The following MRPS14 variants were observed in gnomAD, a reference collection of about 807,000 sequenced individuals.
MRPS14 encodes the protein mitochondrial ribosomal protein S14, also known as small ribosomal subunit protein uS14m.
In MRPS14, 14 loss-of-function variants were observed where a neutral mutation model predicts 16.4. The observed-to-expected ratio is 0.85, with a 90% CI of 0.56 to 1.33. The LOEUF is 1.33. MRPS14 is among the 40% of genes most tolerant of loss of function. MRPS14 has a pLI of 0.00. For missense variants in MRPS14, 162 were observed against 176.8 expected (o/e 0.92, Z 0.48); for synonymous variants, 54 against 61.9 (o/e 0.87, Z 0.60).
At position 175,014,019 on chromosome 1, in the gene MRPS14, A is replaced by G. The variant is rs1408050233; in HGVS notation, c.*650T>C. 1 of 152,358 alleles carries G rather than the reference A, an allele frequency of 6.6e-6. No homozygotes were observed. Among genetic ancestry groups the G allele is most frequent in the African/African-American group, 2.4e-5 (1 of 41,472 alleles). 9.4% of individuals were successfully genotyped at this position (152,358 alleles called of 1,614,324 possible). ...CTGTTATGGATTAAATAAACATAAA[A>G]ATAGGGAATATATACTGTTCCAACA... On this transcript the variant is annotated 3_prime_UTR_variant, in exon 3 of 3. Transcript: ENST00000476371.
intron 2 of MRPS14, among the ~76,000 whole-genome samples, chr1:175,016,788 TTG>T (rs78584560): frequency 0.11 from 16,340 of 152,252 alleles, 1,046 homozygotes; most frequent in East Asian, 0.32. Context: ...AAATTACCGT[TTG>T]TGTATGTGTG....
At chr1:175,014,925 G>A in intron 2 of MRPS14, 74 bp from the exon 3 acceptor site, 1 of 1,239,004 alleles carries the variant, frequency 8.1e-7, no homozygotes, top group South Asian at 1.4e-5. Context: ...TCACTTGCAG[G>A]TAATTTTCTT....
intron 1 of MRPS14, among the ~76,000 whole-genome samples, chr1:175,020,478 C>G (rs1374781843): frequency 1.3e-5 from 2 of 152,048 alleles, no homozygotes; most frequent in African/African-American, 4.8e-5. Context: ...TTTTGCATAC[C>G]TTTTTTTCTT....
intron 2 of MRPS14, 87 bp from the exon 3 acceptor site, chr1:175,014,938 CTTT>C (rs1171275241): frequency 1.5e-3 from 936 of 623,088 alleles, no homozygotes; most frequent in South Asian, 2.7e-3. Context: ...ATTTTCTTTT[CTTT>C]TTTTTTTTTT....
Position 175,014,441 on chromosome 1 carries a change from C to T in MRPS14, c.*228G>A. The T allele has an allele frequency of 2.2e-6, 1 of 451,644 alleles. No homozygotes were observed. The highest frequency in any genetic ancestry group is 3.9e-6 in the Non-Finnish European group (1 of 258,156). The allele number at this position is 451,644 out of a possible 1,614,324, so 28.0% of individuals were successfully genotyped here. The stretch of plus-strand genomic sequence containing the variant: ...AATATTTATTATGCTACTCTTTGTA[C>T]TATGTATGGGAACAGTATGTTTGTT... On this transcript the variant is annotated 3_prime_UTR_variant, in exon 3 of 3. Transcript: ENST00000476371.
intron 1 of MRPS14, 179 bp downstream of exon 1, chr1:175,023,185 C>T: frequency 6.8e-7 from 1 of 1,471,610 alleles, no homozygotes; most frequent in African/African-American, 1.4e-5. Context: ...TTACGAAAAC[C>T]AAATTGACAT....
intron 1 of MRPS14, 54 bp downstream of exon 1, chr1:175,023,310 G>C: frequency 6.2e-7 from 1 of 1,602,136 alleles, no homozygotes; most frequent in Non-Finnish European, 8.5e-7. Context: ...GGACCCGTGG[G>C]TTATGAGATT....
In MRPS14 at chr1:175,014,286, T is replaced by G. The variant is rs1255097059; in HGVS notation, c.*383A>C. On this transcript the variant is annotated 3_prime_UTR_variant, in exon 3 of 3. Coordinates refer to ENST00000476371, the MANE Select transcript of MRPS14 (RefSeq NM_022100.3). ...GTCCAGGATTACAAACTGCCATACA[T>G]GAGCTACATGTCAATTAGTTGGATT... is the stretch of plus-strand genomic sequence containing the variant. 1.2e-5 allele frequency: 4 copies of G among 325,538 alleles called. No individual in the cohort carries two copies. Among genetic ancestry groups the G allele is most frequent in the East Asian group, 4.8e-5 (1 of 20,758 alleles). The allele number at this position is 325,538 out of a possible 1,614,324, so 20.2% of individuals were successfully genotyped here.
chr1:175,016,955 C>T (rs1672891581), intron 2 of MRPS14, among the ~76,000 whole-genome samples: 1 of 152,124 alleles, frequency 6.6e-6, no homozygotes, highest in African/African-American at 2.4e-5. Flanking sequence ...TTTCCCCCTG[C>T]CCGCCATACC....
intron 1 of MRPS14, among the ~76,000 whole-genome samples, chr1:175,021,513 T>C (rs1672977280): frequency 6.6e-6 from 1 of 152,226 alleles, no homozygotes; most frequent in African/African-American, 2.4e-5. Flanking sequence ...CACTTCTTTC[T>C]AGCTTGCTCC....
intron 2 of MRPS14, 102 bp from the exon 3 acceptor site, chr1:175,014,953 T>G: frequency 1.7e-6 from 2 of 1,167,400 alleles, no homozygotes; most frequent in Non-Finnish European, 2.4e-6. Context: ...TTTTTTTTTT[T>G]TGAGACAGAG....
At chr1:175,016,900 T>C (rs1036750645) in intron 2 of MRPS14, among the ~76,000 whole-genome samples, 6 of 152,282 alleles carry the variant, frequency 3.9e-5, no homozygotes, top group Non-Finnish European at 7.4e-5. Flanking sequence ...ACAGAATTTA[T>C]TCATCTTACA....
chr1:175,013,672 A>G lies in MRPS14; in HGVS notation c.*997T>C, dbSNP rs774851238. On this transcript the variant is annotated 3_prime_UTR_variant, in exon 3 of 3. Transcript: ENST00000476371. ...ATTCCTGTGCTTAAAACTCTGTAATACCTGGTATGTCAGTCTTAATTCCTT... is the reference window on the plus strand; with the variant it reads ...ATTCCTGTGCTTAAAACTCTGTAATGCCTGGTATGTCAGTCTTAATTCCTT... 6.6e-6 allele frequency: 1 copy of G among 152,112 alleles called. No homozygotes were observed. The highest frequency in any genetic ancestry group is 1.5e-5 in the Non-Finnish European group (1 of 68,032). The allele number at this position is 152,112 out of a possible 1,614,324, so 9.4% of individuals were successfully genotyped here. A position where few individuals can be genotyped will look rare whatever the true frequency, so the allele number is the denominator to read the frequency against.
rs550190540 is a variant in MRPS14 at position 175,013,176 on chromosome 1, A to G, written c.*1493T>C. 2 of 152,282 alleles carry G rather than the reference A, an allele frequency of 1.3e-5. No homozygotes were observed. Among genetic ancestry groups the G allele is most frequent in the African/African-American group, 4.8e-5 (2 of 41,556 alleles). The allele number at this position is 152,282 out of a possible 1,614,324, so 9.4% of individuals were successfully genotyped here. On this transcript the variant is annotated 3_prime_UTR_variant, in exon 3 of 3. Transcript: ENST00000476371. ...TTTAAGAAATATGAATCCAAACTAG[A>G]TTGTGATAATTCCCTCATAACTTCA... is the stretch of plus-strand genomic sequence containing the variant.
rs1313722126 is a variant in MRPS14 at position 175,015,543 on chromosome 1, A to G, written c.205-692T>C. The stretch of plus-strand genomic sequence containing the variant: ...GTCTATGGTAAAGATTCTGACAGCT[A>G]GAGAAGTAAAGGGGAGAGATCAGAT... On this transcript the variant is annotated intron_variant, in intron 2 of 2. Coordinates refer to ENST00000476371, the MANE Select transcript of MRPS14 (RefSeq NM_022100.3). 2.0e-5 allele frequency among the ~76,000 whole-genome samples: 3 copies of G among 152,234 alleles called. No homozygotes were observed. In the East Asian group the frequency reaches 5.8e-4, roughly 29 times the overall value.
chr1:175,014,568 G>C lies in MRPS14; in HGVS notation c.*101C>G. ...TCAGGTAGGCCAAACAACTGTACTG[G>C]GCCCCTGTAGAGATTAGGGTTTGGT... On this transcript the variant is annotated 3_prime_UTR_variant, in exon 3 of 3. Transcript: ENST00000476371. 8.3e-7 allele frequency: 1 copy of C among 1,212,090 alleles called. No individual in the cohort carries two copies. The highest frequency in any genetic ancestry group is 1.1e-6 in the Non-Finnish European group (1 of 879,512). The allele number at this position is 1,212,090 out of a possible 1,614,324, so 75.1% of individuals were successfully genotyped here. A position where few individuals can be genotyped will look rare whatever the true frequency, so the allele number is the denominator to read the frequency against.
Position 175,023,354 on chromosome 1 carries a change from G to A in MRPS14, c.45+10C>T. The A allele has an allele frequency of 2.5e-6, 4 of 1,614,004 alleles. No homozygotes were observed. Among genetic ancestry groups the A allele is most frequent in the Non-Finnish European group, 3.4e-6 (4 of 1,179,976 alleles). On this transcript the variant is annotated intron_variant, in intron 1 of 2. Transcript: ENST00000476371. ...AGGGGTAGCGGTGTGGATAAAAGTA[G>A]AGGCCTGACCTGCTTGAACGTCCGC...
chr1:175,017,993 A>C lies in MRPS14; in HGVS notation c.204+425T>G, dbSNP rs371860598. Among the ~76,000 whole-genome samples the C allele has an allele frequency of 3.5e-4, 53 of 152,216 alleles. 2 individuals carry two copies. The South Asian group carries it at 7.1e-3, about 20-fold the overall frequency. On this transcript the variant is annotated intron_variant, in intron 2 of 2. Coordinates refer to ENST00000476371, the MANE Select transcript of MRPS14 (RefSeq NM_022100.3). ...ACAAAAATTAGCCAGGCATGGTGGC[A>C]TGTGCCTGTAATCCCAGTTACTCAG... is the stretch of plus-strand genomic sequence containing the variant.
chr1:175,020,497 A>C (rs1672960775), intron 1 of MRPS14, among the ~76,000 whole-genome samples: 1 of 152,128 alleles, frequency 6.6e-6, no homozygotes, highest in Non-Finnish European at 1.5e-5. Context: ...TTACTAGAAA[A>C]GTAATATCCA....
Sources: allele counts gnomAD v4.1 joint callset (sites outside exome capture counted in the v4.1 genomes callset), GRCh38; gene constraint gnomAD v4.1.1; transcripts MANE v1.5; gene names NCBI Gene and HGNC (gene_info 2026-07-23, HGNC 2026-07-21).